PDE3A: variants seen among roughly 807,000 people sequenced by gnomAD.
PDE3A encodes phosphodiesterase 3A.
Under a neutral mutation model 98.3 loss-of-function variants are expected in PDE3A, and 43 were observed. That is an observed-to-expected ratio of 0.44 (90% confidence interval 0.34 to 0.56). The LOEUF (loss-of-function observed/expected upper bound fraction) is 0.56, where lower values mean the gene tolerates loss of function less well. PDE3A is among the 20% of genes least tolerant of loss of function. The probability of loss-of-function intolerance (pLI) is 0.01; values close to 1 mark genes in which losing one functional copy is unlikely to be tolerated. For synonymous variants in PDE3A, 663 were observed against 567.9 expected, an observed-to-expected ratio of 1.17 and a Z score of -2.38; for missense variants, 1,427 against 1,440.7, an observed-to-expected ratio of 0.99 and a Z score of 0.15.
intron 9 of PDE3A, among the ~76,000 whole-genome samples, chr12:20,637,927 C>G (rs1358992759): frequency 6.6e-6 from 1 of 152,102 alleles, no homozygotes; most frequent in Non-Finnish European, 1.5e-5. Flanking sequence ...TATCGAAATA[C>G]ACACCCTTAA....
In PDE3A at chr12:20,685,897, A is replaced by T. The variant is rs886319032; in HGVS notation, c.*5626A>T. On this transcript the variant is annotated 3_prime_UTR_variant, in exon 16 of 16. Coordinates refer to ENST00000359062, the MANE Select transcript of PDE3A (RefSeq NM_000921.5). The stretch of plus-strand genomic sequence containing the variant: ...AACCAAAAATGCTTCAAAGAGTAAT[A>T]ATAAATCACCATAGGTAAGTATTCT... Among the ~76,000 whole-genome samples, 26 of 152,204 alleles carry T rather than the reference A, an allele frequency of 1.7e-4. No individual in the cohort carries two copies. Among genetic ancestry groups the T allele is most frequent in the Admixed American group, 5.2e-4 (8 of 15,278 alleles).
chr12:20,439,282 T>C (rs1429635644), intron 1 of PDE3A, among the ~76,000 whole-genome samples: 1 of 152,200 alleles, frequency 6.6e-6, no homozygotes, highest in Non-Finnish European at 1.5e-5. Context: ...ACTCACTCAG[T>C]TGGAAAGTTA....
intron 1 of PDE3A, among the ~76,000 whole-genome samples, chr12:20,525,047 G>A (rs910348795): frequency 4.6e-5 from 7 of 152,136 alleles, no homozygotes; most frequent in Non-Finnish European, 8.8e-5. Flanking sequence ...CAGGAGAATC[G>A]CTTGAACCCA....
At chr12:20,661,756 G>A (rs1049290006) in intron 15 of PDE3A, among the ~76,000 whole-genome samples, 16 of 152,298 alleles carry the variant, frequency 1.1e-4, no homozygotes, top group Admixed American at 3.9e-4. Context: ...GAGGGTGTAC[G>A]GAAATGCTTG....
At chr12:20,431,713 A>G (rs917457138) in intron 1 of PDE3A, among the ~76,000 whole-genome samples, 7 of 152,150 alleles carry the variant, frequency 4.6e-5, no homozygotes, top group Admixed American at 3.3e-4. Flanking sequence ...TTTTCATGGT[A>G]TTAGATTATA....
chr12:20,528,107 A>G (rs1484956846), intron 1 of PDE3A, among the ~76,000 whole-genome samples: 2 of 152,138 alleles, frequency 1.3e-5, no homozygotes, highest in Non-Finnish European at 1.5e-5. Flanking sequence ...TGCCCTGACA[A>G]CTTTAATTGT....
At chr12:20,513,976 G>A (rs1009600070) in intron 1 of PDE3A, among the ~76,000 whole-genome samples, 12 of 152,170 alleles carry the variant, frequency 7.9e-5, no homozygotes, top group African/African-American at 2.9e-4. Flanking sequence ...AAACTAATTT[G>A]TAAGTCCCAC....
At chr12:20,389,420 T>C (rs1435491528) in intron 1 of PDE3A, among the ~76,000 whole-genome samples, 1 of 151,990 alleles carries the variant, frequency 6.6e-6, no homozygotes, top group Admixed American at 6.6e-5. Context: ...GGAATTTAAC[T>C]GTAAGGAAGA....
chr12:20,497,527 C>A (rs1945941869), intron 1 of PDE3A, among the ~76,000 whole-genome samples: 3 of 147,730 alleles, frequency 2.0e-5, no homozygotes, highest in Non-Finnish European at 1.5e-5. Context: ...CAAATTGTGC[C>A]CTAAAAAAAA....
intron 1 of PDE3A, among the ~76,000 whole-genome samples, chr12:20,513,892 G>A (rs1049984640): frequency 1.3e-5 from 2 of 152,130 alleles, no homozygotes; most frequent in African/African-American, 4.8e-5. Flanking sequence ...TTAAAGTACT[G>A]TTAACTTTTT....
intron 1 of PDE3A, among the ~76,000 whole-genome samples, chr12:20,429,450 G>A (rs1944658028): frequency 6.6e-6 from 1 of 152,164 alleles, no homozygotes; most frequent in Non-Finnish European, 1.5e-5. Context: ...GAGAATAGTG[G>A]TATGAAGAAC....
chr12:20,637,951 A>G (rs1379899129), intron 9 of PDE3A, among the ~76,000 whole-genome samples: 1 of 152,136 alleles, frequency 6.6e-6, no homozygotes, highest in Non-Finnish European at 1.5e-5. Context: ...AATAAAGAGG[A>G]TGGTGTGATA....
intron 2 of PDE3A, among the ~76,000 whole-genome samples, chr12:20,599,630 G>T (rs764522671): frequency 6.6e-6 from 1 of 151,982 alleles, no homozygotes; most frequent in Non-Finnish European, 1.5e-5. Flanking sequence ...ATTGTGAAAG[G>T]TTACTCCTGT....
At chr12:20,504,762 G>A (rs528940751) in intron 1 of PDE3A, among the ~76,000 whole-genome samples, 9 of 152,002 alleles carry the variant, frequency 5.9e-5, no homozygotes, top group East Asian at 3.9e-4. Flanking sequence ...CCATCTTCAC[G>A]TCTCTCACTA....
intron 15 of PDE3A, among the ~76,000 whole-genome samples, chr12:20,673,767 G>T (rs1354324238): frequency 2.0e-5 from 3 of 149,296 alleles, no homozygotes; most frequent in African/African-American, 4.9e-5. Context: ...GTTAGTGGGT[G>T]CAGTGCACCA....
chr12:20,423,304 A>G (rs1425136623), intron 1 of PDE3A, among the ~76,000 whole-genome samples: 1 of 152,002 alleles, frequency 6.6e-6, no homozygotes, highest in Non-Finnish European at 1.5e-5. Context: ...TTTCTCCCAA[A>G]TCAATCCCTC....
chr12:20,369,253 C>A lies in PDE3A; in HGVS notation c.-32C>A. The A allele has an allele frequency of 6.9e-7, 1 of 1,455,956 alleles. No individual in the cohort carries two copies. 90.2% of individuals were successfully genotyped at this position (1,455,956 alleles called of 1,614,324 possible). A position where few individuals can be genotyped will look rare whatever the true frequency, so the allele number is the denominator to read the frequency against. On this transcript the variant is annotated 5_prime_UTR_variant, in exon 1 of 16. In the 5' UTR this introduces an upstream ATG that the reference lacks. Coordinates refer to ENST00000359062, the MANE Select transcript of PDE3A (RefSeq NM_000921.5). The stretch of plus-strand genomic sequence containing the variant: ...TCGGGGCGGGGGCGTCGGGGGGCCA[C>A]TGGGAATTCAGTGAAGAGGGCACCC...
At chr12:20,420,236 G>A (rs1048769455) in intron 1 of PDE3A, among the ~76,000 whole-genome samples, 1 of 152,156 alleles carries the variant, frequency 6.6e-6, no homozygotes, top group Non-Finnish European at 1.5e-5. Context: ...GAGAATGTCT[G>A]TATTGGAGAG....
chr12:20,506,731 C>G (rs117048305), intron 1 of PDE3A, among the ~76,000 whole-genome samples: 3,070 of 151,984 alleles, frequency 0.02, 62 homozygotes, highest in Middle Eastern at 0.13. Flanking sequence ...AGAGAAGTAA[C>G]ATGAAACTTC....
Sources: allele counts gnomAD v4.1 joint callset (sites outside exome capture counted in the v4.1 genomes callset), GRCh38; gene constraint gnomAD v4.1.1; transcripts MANE v1.5; gene names NCBI Gene and HGNC (gene_info 2026-07-23, HGNC 2026-07-21).